Variants in PARP6 observed in about 807,000 individuals in gnomAD.
The protein encoded by PARP6 is poly(ADP-ribose) polymerase family member 6, also known as protein mono-ADP-ribosyltransferase PARP6.
Under a neutral mutation model 92.0 loss-of-function variants are expected in PARP6, and 27 were observed. The ratio of observed to expected loss-of-function variants is 0.29; its 90% CI spans 0.22 to 0.40. PARP6 has a LOEUF of 0.40. Among genes scored for constraint, PARP6 ranks in the 10% least tolerant of loss-of-function variants. The pLI, the probability that PARP6 is intolerant of heterozygous loss-of-function variation, is 1.00. For synonymous variants in PARP6, 272 were observed against 281.2 expected (o/e 0.97, Z 0.33); for missense variants, 501 against 784.5 (o/e 0.64, Z 4.32).
At chr15:72,253,623 G>A in intron 15 of PARP6, 119 bp from the exon 16 acceptor site, 1 of 783,360 alleles carries the variant, frequency 1.3e-6, no homozygotes, top group Admixed American at 2.1e-5. Flanking sequence ...GCCACACAGA[G>A]GAAAAAGGAG....
chr15:72,257,242 C>A, intron 13 of PARP6, 106 bp downstream of exon 13: 1 of 807,822 alleles, frequency 1.2e-6, no homozygotes. Flanking sequence ...CAGTGGTTAT[C>A]TTATATACAA....
At chr15:72,261,917 C>T (rs555221914) in intron 8 of PARP6, among the ~76,000 whole-genome samples, 1 of 152,150 alleles carries the variant, frequency 6.6e-6, no homozygotes, top group African/African-American at 2.4e-5. Flanking sequence ...GGCACCTAGC[C>T]TAATGGCCAG....
chr15:72,268,234 T>C (rs941957106), intron 2 of PARP6, among the ~76,000 whole-genome samples: 3 of 152,236 alleles, frequency 2.0e-5, no homozygotes, highest in Non-Finnish European at 2.9e-5. Flanking sequence ...CTGCTCTAGC[T>C]CATAATGTTA....
Position 72,260,542 on chromosome 15 carries a change from G to A in PARP6, c.692C>T (p.Pro231Leu). The A allele has an allele frequency of 6.2e-7, 1 of 1,614,210 alleles. No individual in the cohort carries two copies. Among genetic ancestry groups the A allele is most frequent in the Non-Finnish European group, 8.5e-7 (1 of 1,180,046 alleles). The stretch of plus-strand genomic sequence containing the variant: ...CTGAGGGCACAGGAGACCTGCCTGG[G>A]GGCTGGGAGGGTAGCCAAACACTTC... ...KVEVFGYPPS[P>L]QAGLLCPQHV... The change falls in exon 10 of 24, where the codon CCC (proline) becomes CTC (leucine). Residue 231 changes from proline (P) to leucine (L), a missense_variant. Pro to Leu is a moderately conservative substitution (Grantham distance 98). Around this residue, in one of 4 missense-constraint regions of PARP6, gnomAD observed 291 missense variants for 352.0 expected, o/e 0.83. Transcript: ENST00000569795.
At chr15:72,251,460 G>T in intron 16 of PARP6, 1 of 420,152 alleles carries the variant, frequency 2.4e-6, no homozygotes, top group Non-Finnish European at 4.3e-6. Context: ...GGAAGGTAGT[G>T]ACCAGACACA....
rs376684763 is a variant in PARP6, at chr15:72,266,011, G to T, written c.82-20C>A. On this transcript the variant is annotated intron_variant, in intron 4 of 23. Transcript: ENST00000569795. ...GCTCCCCTGAGATAGCAGCAAAAAT[G>T]GTGGTGGAGAGAGGTGGAAAAAGAC... The T allele has an allele frequency of 2.5e-5, 38 of 1,536,576 alleles. No homozygotes were observed. The highest frequency in any genetic ancestry group is 3.4e-5 in the Non-Finnish European group (38 of 1,109,460).
intron 5 of PARP6, 29 bp downstream of exon 5, chr15:72,265,867 TC>T: frequency 6.8e-7 from 1 of 1,461,342 alleles, no homozygotes; most frequent in East Asian, 2.3e-5. Context: ...AGTGACTTGC[TC>T]CCCTGCCACC....
chr15:72,268,244 A>G (rs558860251), intron 2 of PARP6, among the ~76,000 whole-genome samples: 1 of 152,360 alleles, frequency 6.6e-6, no homozygotes, highest in East Asian at 1.9e-4. Flanking sequence ...TCATAATGTT[A>G]CAACTCCTAA....
At position 72,241,273 on chromosome 15, in the gene PARP6, C is replaced by T. The variant is rs975686833; in HGVS notation, c.*182G>A. Reference sequence around the variant, plus strand: ...GGGGATGGAGTCAGTCTGGGCCATCCGAATGTGGAGTAGTTCTTGGGTCAA... The same window carrying T: ...GGGGATGGAGTCAGTCTGGGCCATCTGAATGTGGAGTAGTTCTTGGGTCAA... On this transcript the variant is annotated 3_prime_UTR_variant, in exon 24 of 24. Coordinates refer to ENST00000569795, the MANE Select transcript of PARP6 (RefSeq NM_001323532.2). This position sits in a 1 kb window ranked among gnomAD's most constrained non-coding sequence, Gnocchi z 4.1. The T allele has an allele frequency of 7.2e-6, 5 of 692,230 alleles. No homozygotes were observed. The highest frequency in any genetic ancestry group is 3.5e-5 in the African/African-American group (2 of 56,910). The allele number at this position is 692,230 out of a possible 1,614,324, so 42.9% of individuals were successfully genotyped here. A position where few individuals can be genotyped will look rare whatever the true frequency, so the allele number is the denominator to read the frequency against.
chr15:72,267,150 T>A (rs2086705733), intron 3 of PARP6: 1 of 526,280 alleles, frequency 1.9e-6, no homozygotes, highest in Admixed American at 3.3e-5. Flanking sequence ...GGTTGACTCC[T>A]AAGCATATCT....
intron 20 of PARP6, among the ~76,000 whole-genome samples, chr15:72,247,207 C>T (rs1047968376): frequency 2.0e-5 from 3 of 152,092 alleles, no homozygotes; most frequent in Non-Finnish European, 4.4e-5. Flanking sequence ...CAGGGTCTCG[C>T]TCTACTGCCC....
Position 72,271,062 on chromosome 15 carries a change from G to C in PARP6, c.-234C>G, listed in dbSNP as rs761375685. The C allele has an allele frequency of 1.4e-5, 2 of 142,460 alleles. No individual in the cohort carries two copies. Among genetic ancestry groups the C allele is most frequent in the South Asian group, 2.3e-4 (1 of 4,396 alleles). 8.8% of individuals were successfully genotyped at this position (142,460 alleles called of 1,614,324 possible). A position where few individuals can be genotyped will look rare whatever the true frequency, so the allele number is the denominator to read the frequency against. On this transcript the variant is annotated 5_prime_UTR_variant, in exon 2 of 24. Transcript: ENST00000569795. ...GAGATCCAGAATGTGAAGATCTTGG[G>C]GTGAGGTTCGTGAGATTTGAAAATA... is the stretch of plus-strand genomic sequence containing the variant.
intron 5 of PARP6, 52 bp from the exon 6 acceptor site, chr15:72,265,525 G>A: frequency 7.3e-7 from 1 of 1,373,806 alleles, no homozygotes; most frequent in African/African-American, 1.4e-5. Flanking sequence ...AGAAAGAAGG[G>A]AATAGAAACT....
chr15:72,264,459 G>C, intron 8 of PARP6, 96 bp downstream of exon 8: 1 of 874,372 alleles, frequency 1.1e-6, no homozygotes, highest in Admixed American at 2.3e-5. Flanking sequence ...TTTGGAAGGG[G>C]GCATTCCATC....
intron 2 of PARP6, among the ~76,000 whole-genome samples, chr15:72,269,161 T>C (rs1163457705): frequency 2.0e-5 from 3 of 152,010 alleles, no homozygotes; most frequent in Non-Finnish European, 4.4e-5. Context: ...GTTCTTCTTC[T>C]TCTTCTTTTT....
At chr15:72,257,482 G>A (rs748665804) in intron 12 of PARP6, 42 bp from the exon 13 acceptor site, 1 of 1,502,908 alleles carries the variant, frequency 6.7e-7, no homozygotes. Context: ...GATGGGGTGT[G>A]CAATAAGGTG....
chr15:72,262,466 T>C (rs1311242473), intron 8 of PARP6, among the ~76,000 whole-genome samples: 1 of 152,152 alleles, frequency 6.6e-6, no homozygotes, highest in Non-Finnish European at 1.5e-5. Context: ...CCATGATGTG[T>C]CAATCATTCC....
intron 15 of PARP6, chr15:72,254,126 C>A: frequency 2.1e-6 from 1 of 477,128 alleles, no homozygotes. Context: ...TCAAGCCCCC[C>A]TCCTCCTCAC....
chr15:72,248,985 T>C, intron 20 of PARP6: 2 of 308,480 alleles, frequency 6.5e-6, no homozygotes, highest in South Asian at 2.2e-4. Flanking sequence ...TATGTCCCTG[T>C]TATTCCTCCA....
Sources: allele counts gnomAD v4.1 joint callset (sites outside exome capture counted in the v4.1 genomes callset), GRCh38; gene constraint gnomAD v4.1.1; regional missense constraint gnomAD v4.1.1; non-coding constraint Gnocchi (gnomAD v3.1); transcripts MANE v1.5; gene names NCBI Gene and HGNC (gene_info 2026-07-23, HGNC 2026-07-21).